GDPD1: variants seen among roughly 807,000 people sequenced by gnomAD.
GDPD1 encodes glycerophosphodiester phosphodiesterase domain containing 1, also known as lysophospholipase D GDPD1.
Under a neutral mutation model 45.1 loss-of-function variants are expected in GDPD1, and 28 were observed. The ratio of observed to expected loss-of-function variants is 0.62; its 90% confidence interval spans 0.46 to 0.85. The LOEUF (loss-of-function observed/expected upper bound fraction) is 0.85. Ranked by LOEUF, GDPD1 falls within the 40% of genes least tolerant of loss-of-function variation. The probability of loss-of-function intolerance (pLI) is 0.00; values close to 1 mark genes in which losing one functional copy is unlikely to be tolerated. For synonymous variants in GDPD1, 139 were observed against 131.4 expected (o/e 1.06, Z -0.40); for missense variants, 256 against 364.8 (o/e 0.70, Z 2.43).
At chr17:59,221,751 C>A (rs2047006939) in intron 1 of GDPD1, among the ~76,000 whole-genome samples, 1 of 152,050 alleles carries the variant, frequency 6.6e-6, no homozygotes, top group African/African-American at 2.4e-5. Context: ...TTCTTTAAGG[C>A]TGAATCTTAA....
intron 4 of GDPD1, among the ~76,000 whole-genome samples, chr17:59,253,494 G>T (rs975817091): frequency 6.6e-6 from 1 of 152,120 alleles, no homozygotes; most frequent in Non-Finnish European, 1.5e-5. Flanking sequence ...GTGAGCCACT[G>T]CACCTGGCCT....
chr17:59,261,722 T>C (rs1169695930), intron 6 of GDPD1, among the ~76,000 whole-genome samples: 1 of 151,516 alleles, frequency 6.6e-6, no homozygotes, highest in African/African-American at 2.4e-5. Flanking sequence ...TGATCCTGAA[T>C]TCCTGGCCTC....
chr17:59,223,645 A>G (rs2147871198), intron 1 of GDPD1, among the ~76,000 whole-genome samples: 1 of 152,316 alleles, frequency 6.6e-6, no homozygotes, highest in African/African-American at 2.4e-5. Flanking sequence ...AAACAGTGAT[A>G]TTTCTTGTAA....
At chr17:59,270,586 C>A (rs565974341) in intron 7 of GDPD1, among the ~76,000 whole-genome samples, 88 of 152,130 alleles carry the variant, frequency 5.8e-4, no homozygotes, top group Admixed American at 3.3e-3. Context: ...AAATTTGCCA[C>A]ATACTAAATT....
rs1460611102 is a variant in GDPD1, at chr17:59,275,319, T to A, written c.*1546T>A. On this transcript the variant is annotated 3_prime_UTR_variant, in exon 10 of 10. Transcript: ENST00000284116. ...CAGGCTCAAGAAAATAAAAGTTGAT[T>A]AGTTGATCAGAAATAAAATCTGTAG... 1 of 743,376 alleles carries A rather than the reference T, an allele frequency of 1.3e-6. No individual in the cohort carries two copies. The highest frequency in any genetic ancestry group is 1.8e-5 in the African/African-American group (1 of 56,488). The allele number at this position is 743,376 out of a possible 1,614,324, so 46.0% of individuals were successfully genotyped here.
At chr17:59,258,574 A>G (rs2047327795) in intron 6 of GDPD1, among the ~76,000 whole-genome samples, 1 of 152,098 alleles carries the variant, frequency 6.6e-6, no homozygotes, top group African/African-American at 2.4e-5. Flanking sequence ...ATCTTATTTC[A>G]TAGCCTTCAT....
At chr17:59,252,079 T>G (rs904661974) in intron 4 of GDPD1, among the ~76,000 whole-genome samples, 3 of 147,934 alleles carry the variant, frequency 2.0e-5, no homozygotes, top group African/African-American at 7.4e-5. Context: ...TTTTCTATCC[T>G]ATTCCCTTGC....
chr17:59,245,596 C>A, intron 3 of GDPD1, 47 bp downstream of exon 3: 1 of 1,463,774 alleles, frequency 6.8e-7, no homozygotes, highest in Non-Finnish European at 9.2e-7. Context: ...ATGTCGCGGC[C>A]TATAAGATTT....
intron 7 of GDPD1, 24 bp downstream of exon 7, chr17:59,267,198 A>C: frequency 6.3e-7 from 1 of 1,582,178 alleles, no homozygotes; most frequent in Non-Finnish European, 8.6e-7. Context: ...CTTTTATTTT[A>C]AAATCAATTA....
intron 7 of GDPD1, among the ~76,000 whole-genome samples, chr17:59,268,373 G>A (rs368737977): frequency 1.3e-5 from 2 of 151,464 alleles, no homozygotes; most frequent in South Asian, 2.1e-4. Flanking sequence ...TCAGGAGATC[G>A]AGACCATCCT....
At position 59,275,899 on chromosome 17, in the gene GDPD1, T is replaced by C. The variant is rs2047476716; in HGVS notation, c.*2126T>C. Reference sequence around the variant, plus strand: ...GCTATGAAGAATGACTGTACTCTCCTATCTGTCCCTGGATGACATAAATAT... The same window carrying C: ...GCTATGAAGAATGACTGTACTCTCCCATCTGTCCCTGGATGACATAAATAT... On this transcript the variant is annotated 3_prime_UTR_variant, in exon 10 of 10. Transcript: ENST00000284116. 1 of 152,216 alleles carries C rather than the reference T, an allele frequency of 6.6e-6. No individual in the cohort carries two copies. Among genetic ancestry groups the C allele is most frequent in the African/African-American group, 2.4e-5 (1 of 41,464 alleles). The allele number at this position is 152,216 out of a possible 1,614,324, so 9.4% of individuals were successfully genotyped here. A position where few individuals can be genotyped will look rare whatever the true frequency, so the allele number is the denominator to read the frequency against.
chr17:59,232,901 G>T (rs1365252561), intron 1 of GDPD1, among the ~76,000 whole-genome samples: 1 of 152,010 alleles, frequency 6.6e-6, no homozygotes, highest in African/African-American at 2.4e-5. Flanking sequence ...AAAAATAACA[G>T]TGTATGGTAA....
At chr17:59,224,339 TGG>T (rs1465351444) in intron 1 of GDPD1, among the ~76,000 whole-genome samples, 2 of 152,036 alleles carry the variant, frequency 1.3e-5, no homozygotes, top group African/African-American at 4.8e-5. Context: ...CTACCACTTG[TGG>T]GCCGAGCAAG....
At chr17:59,254,029 TG>T (rs2047276366) in intron 4 of GDPD1, among the ~76,000 whole-genome samples, 1 of 142,294 alleles carries the variant, frequency 7.0e-6, no homozygotes, top group Non-Finnish European at 1.5e-5. Context: ...AAGGCCAACC[TG>T]GCCAACAAAG....
At chr17:59,230,497 C>G (rs1196459853) in intron 1 of GDPD1, among the ~76,000 whole-genome samples, 1 of 150,566 alleles carries the variant, frequency 6.6e-6, no homozygotes, top group Non-Finnish European at 1.5e-5. Context: ...ATTCTCCTGC[C>G]TCAGCCTCTC....
intron 4 of GDPD1, among the ~76,000 whole-genome samples, chr17:59,255,799 A>ATATATATATATACGCG (rs1305092589): frequency 9.8e-5 from 8 of 81,452 alleles, no homozygotes; most frequent in Middle Eastern, 4.1e-3. Context: ...GTATATATGT[A>ATATATATATATACGCG]TATATATATA....
intron 6 of GDPD1, among the ~76,000 whole-genome samples, chr17:59,261,471 TTTTAA>T (rs2047354887): frequency 6.6e-6 from 1 of 152,000 alleles, no homozygotes; most frequent in African/African-American, 2.4e-5. Flanking sequence ...AAATGATTTT[TTTTAA>T]TTTAATGATT....
At chr17:59,243,960 A>G (rs559681994) in intron 2 of GDPD1, among the ~76,000 whole-genome samples, 4 of 152,294 alleles carry the variant, frequency 2.6e-5, no homozygotes, top group South Asian at 2.1e-4. Context: ...CGGTGAATCC[A>G]TAGAGGTCTG....
chr17:59,222,820 C>G (rs2047017185), intron 1 of GDPD1, among the ~76,000 whole-genome samples: 1 of 152,108 alleles, frequency 6.6e-6, no homozygotes, highest in Non-Finnish European at 1.5e-5. Context: ...CTGCCAGAGG[C>G]AATTTTCAAT....
Sources: gnomAD v4.1 joint callset for allele counts (sites outside exome capture counted in the v4.1 genomes callset) on GRCh38, gnomAD v4.1.1 for gene constraint, MANE v1.5 for transcripts, NCBI Gene and HGNC (gene_info 2026-07-23, HGNC 2026-07-21) for gene names.